The following HERC4 variants were observed in gnomAD, a reference collection of about 807,000 sequenced individuals.
The protein encoded by HERC4 is probable E3 ubiquitin-protein ligase HERC4.
In HERC4, 28 loss-of-function variants were observed where a neutral mutation model predicts 124.3. That is an observed-to-expected ratio of 0.23 (90% confidence interval 0.17 to 0.31). The LOEUF is 0.31. Among genes scored for constraint, HERC4 ranks in the 10% least tolerant of loss-of-function variants. The pLI, the probability that HERC4 is intolerant of heterozygous loss-of-function variation, is 1.00. For missense variants in HERC4, 713 were observed against 1,229.3 expected, an observed-to-expected ratio of 0.58 and a Z score of 6.28; for synonymous variants, 407 against 421.5, an observed-to-expected ratio of 0.97 and a Z score of 0.42.
intron 16 of HERC4, chr10:67,965,666 T>G (rs1023984855): frequency 2.0e-5 from 3 of 152,178 alleles, no homozygotes; most frequent in African/African-American, 7.2e-5. Flanking sequence ...CTAGACATAT[T>G]CTAGACACTG....
intron 7 of HERC4, among the ~76,000 whole-genome samples, chr10:68,031,424 T>C (rs2039195879): frequency 6.6e-6 from 1 of 152,190 alleles, no homozygotes; most frequent in Non-Finnish European, 1.5e-5. Flanking sequence ...AAATAAGACT[T>C]CAGTGATTAC....
At chr10:67,973,123 T>C (rs942868642) in intron 15 of HERC4, among the ~76,000 whole-genome samples, 2 of 152,178 alleles carry the variant, frequency 1.3e-5, no homozygotes, top group Non-Finnish European at 2.9e-5. Flanking sequence ...CAGGTTTTAA[T>C]TATATTTGTT....
intron 21 of HERC4, among the ~76,000 whole-genome samples, chr10:67,937,397 T>C (rs1468093350): frequency 6.6e-6 from 1 of 152,084 alleles, no homozygotes. Context: ...TGGGAAGAAA[T>C]GTTTGAATTA....
intron 8 of HERC4, among the ~76,000 whole-genome samples, 171 bp from the exon 9 acceptor site, chr10:68,014,357 G>A (rs1022030663): frequency 6.6e-6 from 1 of 152,118 alleles, no homozygotes; most frequent in African/African-American, 2.4e-5. Flanking sequence ...TTAATCTATA[G>A]AATGAATTCT....
intron 19 of HERC4, among the ~76,000 whole-genome samples, chr10:67,953,219 A>C (rs1365330765): frequency 1.3e-5 from 2 of 152,212 alleles, no homozygotes; most frequent in Non-Finnish European, 1.5e-5. Flanking sequence ...ACTAAATTGA[A>C]TTTGAACAAG....
intron 15 of HERC4, among the ~76,000 whole-genome samples, chr10:67,974,987 G>A (rs180816740): frequency 1.3e-5 from 2 of 152,162 alleles, no homozygotes; most frequent in Admixed American, 1.3e-4. Context: ...TCAGGAGTTC[G>A]AGACCAGCCT....
intron 9 of HERC4, chr10:67,992,917 T>C: frequency 5.4e-6 from 2 of 372,142 alleles, no homozygotes; most frequent in Non-Finnish European, 9.6e-6. Context: ...TTACAAGCCT[T>C]TCTTCTGCCC....
intron 6 of HERC4, among the ~76,000 whole-genome samples, chr10:68,033,167 C>G (rs1030645626): frequency 2.0e-5 from 3 of 152,064 alleles, no homozygotes; most frequent in Non-Finnish European, 2.9e-5. Context: ...ACACATACAT[C>G]ATTCTTTATA....
intron 15 of HERC4, among the ~76,000 whole-genome samples, chr10:67,984,897 T>C (rs2036172880): frequency 6.6e-6 from 1 of 152,064 alleles, no homozygotes. Context: ...CCAAACCTAG[T>C]ATTTCATAGC....
At chr10:68,069,117 A>G (rs2041444662) in intron 3 of HERC4, 1 of 974,900 alleles carries the variant, frequency 1.0e-6, no homozygotes, top group African/African-American at 1.8e-5. Context: ...ATGGTCACCA[A>G]ATTATACCTA....
In HERC4 at chr10:67,959,474, A is replaced by T. The variant is rs189853972; in HGVS notation, c.1927-2498T>A. ...GCCTGGCTTGGTCTTAAAAAAAAAA[A>T]TTTATGGCTCAGTTTTTCTACTTAA... is the stretch of plus-strand genomic sequence containing the variant. On this transcript the variant is annotated intron_variant, in intron 16 of 24. Coordinates refer to ENST00000373700, the MANE Select transcript of HERC4 (RefSeq NM_015601.4). Among the ~76,000 whole-genome samples the T allele has an allele frequency of 4.2e-3, 640 of 152,236 alleles. 5 individuals are homozygous for T. Among genetic ancestry groups the T allele is most frequent in the African/African-American group, 0.015 (611 of 41,544 alleles).
chr10:68,032,674 C>A, intron 7 of HERC4, 104 bp downstream of exon 7: 4 of 615,482 alleles, frequency 6.5e-6, no homozygotes, highest in South Asian at 4.8e-5. Flanking sequence ...TTTTGAAATA[C>A]CAATAACACT....
At chr10:68,038,465 A>G (rs1452578903) in intron 4 of HERC4, 1 of 216,056 alleles carries the variant, frequency 4.6e-6, no homozygotes, top group Admixed American at 5.8e-5. Context: ...TATAATTCAG[A>G]TATTTTCTTT....
At chr10:68,062,477 G>A (rs1002068776) in intron 3 of HERC4, among the ~76,000 whole-genome samples, 5 of 152,016 alleles carry the variant, frequency 3.3e-5, no homozygotes, top group African/African-American at 4.8e-5. Flanking sequence ...ACCATCGGCC[G>A]GGCACGGTGG....
chr10:68,001,581 A>C (rs562846072), intron 9 of HERC4, among the ~76,000 whole-genome samples: 21 of 152,294 alleles, frequency 1.4e-4, no homozygotes, highest in African/African-American at 4.6e-4. Flanking sequence ...TTTTTATCAT[A>C]AAATATACAT....
chr10:67,959,730 T>G (rs535280201), intron 16 of HERC4, among the ~76,000 whole-genome samples: 1 of 152,266 alleles, frequency 6.6e-6, no homozygotes, highest in African/African-American at 2.4e-5. Flanking sequence ...GAAAAAGGGT[T>G]GGTAAGCAAA....
At chr10:67,946,010 A>T (rs1249304681) in intron 19 of HERC4, among the ~76,000 whole-genome samples, 2 of 152,070 alleles carry the variant, frequency 1.3e-5, no homozygotes, top group Non-Finnish European at 2.9e-5. Context: ...CATAGCACTT[A>T]GTGAGGCGGA....
At chr10:67,961,088 G>A (rs1318363335) in intron 16 of HERC4, 1 of 207,542 alleles carries the variant, frequency 4.8e-6, no homozygotes, top group Non-Finnish European at 9.5e-6. Context: ...ATAACCATTA[G>A]TGGTCTTGAC....
intron 23 of HERC4, among the ~76,000 whole-genome samples, chr10:67,928,868 C>T (rs1455120105): frequency 2.0e-5 from 3 of 152,024 alleles, no homozygotes; most frequent in Non-Finnish European, 2.9e-5. Flanking sequence ...CTGCAGTGAG[C>T]CAAGATTGAG....
Sources: allele counts gnomAD v4.1 joint callset (sites outside exome capture counted in the v4.1 genomes callset), GRCh38; gene constraint gnomAD v4.1.1; transcripts MANE v1.5; gene names NCBI Gene and HGNC (gene_info 2026-07-23, HGNC 2026-07-21).